The following SORCS2 variants were observed in gnomAD, a reference collection of about 807,000 sequenced individuals.
The protein encoded by SORCS2 is VPS10 domain-containing receptor SorCS2.
Under a neutral mutation model 141.6 loss-of-function variants are expected in SORCS2, and 100 were observed. The observed-to-expected ratio is 0.71, with a 90% CI of 0.60 to 0.83. The LOEUF is 0.83. Among genes scored for constraint, SORCS2 ranks in the 40% least tolerant of loss-of-function variants. The probability of loss-of-function intolerance (pLI) is 0.00; values close to 1 mark genes in which losing one functional copy is unlikely to be tolerated. For synonymous variants in SORCS2, 789 were observed against 676.9 expected (o/e 1.17, Z -2.57); for missense variants, 1,646 against 1,560.2 (o/e 1.05, Z -0.93).
intron 1 of SORCS2, among the ~76,000 whole-genome samples, chr4:7,282,534 T>C (rs763489304): frequency 1.3e-5 from 2 of 152,188 alleles, no homozygotes; most frequent in Non-Finnish European, 2.9e-5. Flanking sequence ...CTGTATATTA[T>C]AAGGATCACC....
chr4:7,292,796 G>A (rs1045639679), intron 1 of SORCS2, among the ~76,000 whole-genome samples: 8 of 152,190 alleles, frequency 5.3e-5, no homozygotes, highest in African/African-American at 1.4e-4. Context: ...AAGATGCTAC[G>A]AGCACAGATT....
intron 3 of SORCS2, among the ~76,000 whole-genome samples, chr4:7,618,276 G>A (rs1310003973): frequency 2.6e-5 from 4 of 151,932 alleles, no homozygotes; most frequent in African/African-American, 7.3e-5. Context: ...AGTGAGGTCT[G>A]TGCTGCACAG....
intron 1 of SORCS2, among the ~76,000 whole-genome samples, chr4:7,334,082 C>T (rs1054538699): frequency 6.6e-6 from 1 of 152,188 alleles, no homozygotes; most frequent in Non-Finnish European, 1.5e-5. Context: ...AAGCTCCTCC[C>T]CACCTTAGTC....
chr4:7,689,528 C>G lies in SORCS2; in HGVS notation c.1531C>G (p.Pro511Ala). ...LHLHLRWADN[P>A]YVSGTVHTKD... The stretch of plus-strand genomic sequence containing the variant: ...CCTGCACCTGCGCTGGGCAGACAAC[C>G]CCTACGTATCAGGCACCGTGCACAC... Residue 511 changes from proline to alanine, a missense_variant, in exon 11 of 27, where the codon CCC becomes GCC. Coordinates refer to ENST00000507866, the MANE Select transcript of SORCS2 (RefSeq NM_020777.3). The G allele has an allele frequency of 6.2e-7, 1 of 1,607,164 alleles. No homozygotes were observed.
intron 1 of SORCS2, among the ~76,000 whole-genome samples, chr4:7,362,719 C>T (rs1405116748): frequency 6.6e-6 from 1 of 151,496 alleles, no homozygotes; most frequent in East Asian, 1.9e-4. Context: ...ACCATCATTA[C>T]CACCAGCACT....
chr4:7,660,265 G>A (rs1722067154), intron 5 of SORCS2, among the ~76,000 whole-genome samples: 1 of 152,200 alleles, frequency 6.6e-6, no homozygotes, highest in Non-Finnish European at 1.5e-5. Context: ...GTCAGACAGG[G>A]ATGAGGTGTG....
intron 1 of SORCS2, among the ~76,000 whole-genome samples, chr4:7,362,625 C>A (rs184031961): frequency 6.6e-6 from 1 of 152,158 alleles, no homozygotes; most frequent in East Asian, 1.9e-4. Flanking sequence ...CCAGGGGGAA[C>A]CTGACCAGGG....
At chr4:7,560,523 T>C (rs1714458729) in intron 3 of SORCS2, among the ~76,000 whole-genome samples, 1 of 152,028 alleles carries the variant, frequency 6.6e-6, no homozygotes, top group African/African-American at 2.4e-5. Context: ...TGGAAGAGCA[T>C]AGGAGAAGTG....
chr4:7,500,345 G>C (rs1337318282), intron 2 of SORCS2, among the ~76,000 whole-genome samples: 1 of 152,146 alleles, frequency 6.6e-6, no homozygotes, highest in Admixed American at 6.5e-5. Context: ...CCGGCTCTTG[G>C]AGGTCCCTGG....
chr4:7,562,374 T>C (rs1257542314), intron 3 of SORCS2, among the ~76,000 whole-genome samples: 1 of 150,570 alleles, frequency 6.6e-6, no homozygotes, highest in Non-Finnish European at 1.5e-5. Flanking sequence ...ATGGCAAGAG[T>C]GGTGGCTACA....
At chr4:7,387,871 TACAC>T (rs59422423) in intron 1 of SORCS2, among the ~76,000 whole-genome samples, 71,542 of 111,498 alleles carry the variant, frequency 0.64, 20,928 homozygotes, top group Non-Finnish European at 0.7. Flanking sequence ...TACACAGAGA[TACAC>T]ACAGATGCAC....
intron 2 of SORCS2, among the ~76,000 whole-genome samples, chr4:7,401,807 G>A (rs1417109046): frequency 6.6e-6 from 1 of 152,126 alleles, no homozygotes; most frequent in Non-Finnish European, 1.5e-5. Flanking sequence ...GATAATTGGG[G>A]GTGGAGCTGG....
Position 7,582,244 on chromosome 4 carries a change from A to G in SORCS2, c.648+50615A>G, listed in dbSNP as rs997174543. On this transcript the variant is annotated intron_variant, in intron 3 of 26. Coordinates refer to ENST00000507866, the MANE Select transcript of SORCS2 (RefSeq NM_020777.3). Reference sequence around the variant, plus strand: ...GAGAGGTTAAGTTGCCCGAGGCCATACAGGACAATAGGGGCAAAGATGGTT... The same window carrying G: ...GAGAGGTTAAGTTGCCCGAGGCCATGCAGGACAATAGGGGCAAAGATGGTT... 3.3e-5 allele frequency among the ~76,000 whole-genome samples: 5 copies of G among 152,236 alleles called. No individual in the cohort carries two copies. In the East Asian group the frequency reaches 9.6e-4, roughly 29 times the overall value.
At chr4:7,349,500 G>A (rs1214716971) in intron 1 of SORCS2, among the ~76,000 whole-genome samples, 1 of 152,110 alleles carries the variant, frequency 6.6e-6, no homozygotes, top group Non-Finnish European at 1.5e-5. Flanking sequence ...GAGGTCACCG[G>A]GTCATGGGGC....
At chr4:7,381,352 G>A (rs1722984411) in intron 1 of SORCS2, among the ~76,000 whole-genome samples, 1 of 152,218 alleles carries the variant, frequency 6.6e-6, no homozygotes, top group Admixed American at 6.5e-5. Flanking sequence ...GCGGAGCACA[G>A]AGCTGGAGGG....
At chr4:7,507,575 A>C (rs1485417535) in intron 2 of SORCS2, among the ~76,000 whole-genome samples, 1 of 152,256 alleles carries the variant, frequency 6.6e-6, no homozygotes, top group Non-Finnish European at 1.5e-5. Context: ...CTTAGAAGCC[A>C]CTAAATATGC....
intron 3 of SORCS2, among the ~76,000 whole-genome samples, chr4:7,612,832 C>T (rs1718502795): frequency 6.7e-6 from 1 of 148,872 alleles, no homozygotes; most frequent in South Asian, 2.1e-4. Context: ...AAAGCCTGGC[C>T]CACAGCAGGC....
chr4:7,497,249 G>A lies in SORCS2; in HGVS notation c.549-34281G>A, dbSNP rs190609178. Among the ~76,000 whole-genome samples, 17 of 152,346 alleles carry A rather than the reference G, an allele frequency of 1.1e-4. No homozygotes were observed. In the East Asian group the frequency reaches 2.1e-3, roughly 19 times the overall value. On this transcript the variant is annotated intron_variant, in intron 2 of 26. Transcript: ENST00000507866. The stretch of plus-strand genomic sequence containing the variant: ...AGGAACGTGTCAGGAGACCCACTGT[G>A]TGCCTCTTACCATGTCTGGGCCTCC...
chr4:7,333,447 G>T (rs538318044), intron 1 of SORCS2, among the ~76,000 whole-genome samples: 1 of 152,244 alleles, frequency 6.6e-6, no homozygotes, highest in Non-Finnish European at 1.5e-5. Context: ...TGTTGTGGGG[G>T]TGTTTTGGTG....
Sources: allele counts gnomAD v4.1 joint callset (sites outside exome capture counted in the v4.1 genomes callset), GRCh38; gene constraint gnomAD v4.1.1; transcripts MANE v1.5; gene names NCBI Gene and HGNC (gene_info 2026-07-23, HGNC 2026-07-21).